The following DMD variants were observed in gnomAD, a reference collection of about 807,000 sequenced individuals.
DMD encodes dystrophin.
In DMD, 63 loss-of-function variants were observed where a neutral mutation model predicts 330.1. The observed-to-expected ratio is 0.19, with a 90% CI of 0.16 to 0.24. DMD has a LOEUF of 0.24. Ranked by LOEUF, DMD falls within the 10% of genes least tolerant of loss-of-function variation. The probability of loss-of-function intolerance (pLI) is 1.00; values close to 1 mark genes in which losing one functional copy is unlikely to be tolerated. For synonymous variants in DMD, 1,223 were observed against 959.8 expected, an observed-to-expected ratio of 1.27 and a Z score of -5.07; for missense variants, 3,344 against 2,684.1, an observed-to-expected ratio of 1.25 and a Z score of -5.43.
chrX:32,769,595 A>C (rs975663845), intron 7 of DMD, among the ~76,000 whole-genome samples: 1 of 111,620 alleles, frequency 9.0e-6, no homozygotes, highest in Non-Finnish European at 1.9e-5. Context: ...TAGCTAATTC[A>C]GTGACACGAG....
At chrX:32,107,871 C>G (rs1441749540) in intron 44 of DMD, among the ~76,000 whole-genome samples, 2 of 110,992 alleles carry the variant, frequency 1.8e-5, no homozygotes, top group African/African-American at 6.5e-5. Flanking sequence ...GTAGTGGTAA[C>G]AGTAGGTGCA....
At chrX:33,219,305 A>G (rs867250532) in intron 1 of DMD, among the ~76,000 whole-genome samples, 1 of 25,867 alleles carries the variant, frequency 3.9e-5, no homozygotes, top group Admixed American at 3.9e-4. Flanking sequence ...TTTAGAGATT[A>G]TTGTGTGTGT....
chrX:31,322,643 T>C (rs906761737), intron 62 of DMD, among the ~76,000 whole-genome samples: 1 of 111,995 alleles, frequency 8.9e-6, no homozygotes, highest in Non-Finnish European at 1.9e-5. Context: ...TTGAGGACTG[T>C]AGTAATGAAG....
chrX:31,252,943 A>G (rs953649633), intron 63 of DMD, among the ~76,000 whole-genome samples: 6 of 111,089 alleles, frequency 5.4e-5, no homozygotes, highest in African/African-American at 2.0e-4. Context: ...GTGAGATGAG[A>G]TCGTGCAACT....
intron 2 of DMD, among the ~76,000 whole-genome samples, chrX:32,978,643 T>C (rs1464405051): frequency 9.0e-6 from 1 of 111,699 alleles, no homozygotes; most frequent in Non-Finnish European, 1.9e-5. Context: ...CTAATTTTTA[T>C]ATTTTTAGTA....
chrX:31,433,144 C>G (rs769615000), intron 60 of DMD, among the ~76,000 whole-genome samples: 3 of 112,173 alleles, frequency 2.7e-5, no homozygotes, highest in African/African-American at 9.7e-5. Context: ...TGAGCACATG[C>G]ATTATTTGGT....
At chrX:31,796,741 C>T (rs975758175) in intron 50 of DMD, among the ~76,000 whole-genome samples, 4 of 111,696 alleles carry the variant, frequency 3.6e-5, no homozygotes, top group Non-Finnish European at 5.6e-5. Flanking sequence ...TGGGGCTTAA[C>T]GGGAAGTGTG....
At chrX:31,659,325 T>G (rs990308385) in intron 53 of DMD, among the ~76,000 whole-genome samples, 26 of 110,965 alleles carry the variant, frequency 2.3e-4, no homozygotes, top group African/African-American at 8.5e-4. Flanking sequence ...ACTTAAAATC[T>G]TCATTAACCA....
chrX:31,623,324 C>T (rs975640210), intron 55 of DMD, among the ~76,000 whole-genome samples: 11 of 111,202 alleles, frequency 9.9e-5, no homozygotes, highest in Admixed American at 6.7e-4. Context: ...AGTGCAGTGG[C>T]GCCATCTCGG....
intron 2 of DMD, among the ~76,000 whole-genome samples, chrX:32,948,202 G>GGGAATACCTTA (rs1275942825): frequency 9.0e-6 from 1 of 110,582 alleles, no homozygotes; most frequent in East Asian, 2.9e-4. Context: ...TCTTGGCCTT[G>GGGAATACCTTA]GGAAAGAAAC....
At chrX:33,156,059 A>G in intron 1 of DMD, among the ~76,000 whole-genome samples, 1 of 111,886 alleles carries the variant, frequency 8.9e-6, no homozygotes, top group Non-Finnish European at 1.9e-5. Context: ...GGCAAGAATA[A>G]TTGACTGCAA....
chrX:32,159,491 A>T (rs1241231469), intron 44 of DMD, among the ~76,000 whole-genome samples: 1 of 112,345 alleles, frequency 8.9e-6, no homozygotes, highest in East Asian at 2.8e-4. Context: ...TTTGGATGTT[A>T]TCACTGGTGC....
At chrX:31,840,981 T>A (rs756812333) in intron 48 of DMD, among the ~76,000 whole-genome samples, 1 of 111,173 alleles carries the variant, frequency 9.0e-6, no homozygotes, top group Non-Finnish European at 1.9e-5. Context: ...TCACTTTAAA[T>A]CAAAAGCTAG....
chrX:32,650,207 G>A (rs2060056726), intron 9 of DMD, among the ~76,000 whole-genome samples: 1 of 111,913 alleles, frequency 8.9e-6, no homozygotes, highest in African/African-American at 3.3e-5. Context: ...TTATATCACT[G>A]ATAAAATGGA....
At chrX:33,212,502 T>G (rs763711405), upstream of DMD, among the ~76,000 whole-genome samples, 4 of 112,177 alleles carry the variant, frequency 3.6e-5, no homozygotes, top group South Asian at 7.4e-4. Flanking sequence ...CTTTTTATAG[T>G]TATAATAATC....
At chrX:33,271,333 A>T (rs1210702580) in intron 1 of DMD, among the ~76,000 whole-genome samples, 1 of 110,796 alleles carries the variant, frequency 9.0e-6, no homozygotes, top group Non-Finnish European at 1.9e-5. Flanking sequence ...AATGATCCTT[A>T]ATTTTACCTA....
At chrX:32,219,437 A>G (rs1308855573) in intron 43 of DMD, among the ~76,000 whole-genome samples, 1 of 112,146 alleles carries the variant, frequency 8.9e-6, no homozygotes, top group East Asian at 2.8e-4. Flanking sequence ...TGGTGAGACT[A>G]TATTTTCTTA....
intron 1 of DMD, among the ~76,000 whole-genome samples, chrX:33,160,544 A>G (rs1479829826): frequency 8.9e-6 from 1 of 112,365 alleles, no homozygotes; most frequent in Non-Finnish European, 1.9e-5. Context: ...CCTTAAATAC[A>G]TTCCATTAAA....
chrX:32,838,176 T>C lies in DMD; in HGVS notation c.264+6607A>G, dbSNP rs149934242. Among the ~76,000 whole-genome samples, 618 of 112,094 alleles carry C rather than the reference T, an allele frequency of 5.5e-3. 3 individuals are homozygous for C. Among genetic ancestry groups the C allele is most frequent in the African/African-American group, 0.019 (583 of 30,808 alleles). ...TGTGCGATACGTTTTCGTTATTGAC[T>C]GTAACTTTCTTGAATAAAATGACAC... On this transcript the variant is annotated intron_variant, in intron 4 of 78. Coordinates refer to ENST00000357033, the MANE Select transcript of DMD (RefSeq NM_004006.3).
Sources: gnomAD v4.1 joint callset for allele counts (sites outside exome capture counted in the v4.1 genomes callset) on GRCh38, gnomAD v4.1.1 for gene constraint, MANE v1.5 for transcripts, NCBI Gene and HGNC (gene_info 2026-07-23, HGNC 2026-07-21) for gene names.